VAV3: variants seen among roughly 807,000 people sequenced by gnomAD.
VAV3 encodes vav guanine nucleotide exchange factor 3.
In VAV3, 94 loss-of-function variants were observed where a neutral mutation model predicts 131.2. The ratio of observed to expected loss-of-function variants is 0.72; its 90% CI spans 0.61 to 0.85. The LOEUF is 0.85. VAV3 is among the 40% of genes least tolerant of loss of function. The pLI is 0.00. For missense variants in VAV3, 939 were observed against 1,002.7 expected (o/e 0.94, Z 0.86); for synonymous variants, 349 against 342.0 (o/e 1.02, Z -0.22).
chr1:107,887,223 G>A (rs1419025510), intron 1 of VAV3, among the ~76,000 whole-genome samples: 3 of 152,204 alleles, frequency 2.0e-5, no homozygotes, highest in East Asian at 3.9e-4. Context: ...GCTCTTACCC[G>A]CATGGCAGAC....
intron 2 of VAV3, among the ~76,000 whole-genome samples, chr1:107,812,751 G>C (rs1011447405): frequency 2.0e-5 from 3 of 152,160 alleles, no homozygotes; most frequent in Non-Finnish European, 2.9e-5. Context: ...ATAAAAATAA[G>C]TCTATGTCAT....
chr1:107,572,795 G>A lies in VAV3; in HGVS notation c.*536C>T, dbSNP rs3187207. 7.1e-3 allele frequency: 1,082 copies of A among 152,926 alleles called. 10 individuals are homozygous for A. The highest frequency in any genetic ancestry group is 7.8e-3 in the Non-Finnish European group (533 of 68,262). The allele number at this position is 152,926 out of a possible 1,614,324, so 9.5% of individuals were successfully genotyped here. On this transcript the variant is annotated 3_prime_UTR_variant, in exon 27 of 27. Coordinates refer to ENST00000370056, the MANE Select transcript of VAV3 (RefSeq NM_006113.5). ...ACATCTGAGGGTAAAAGTGTTTGCC[G>A]GGCAATGAGTCACCTTGTTGGACAA... is the stretch of plus-strand genomic sequence containing the variant.
chr1:107,695,844 T>C (rs529991521), intron 17 of VAV3, among the ~76,000 whole-genome samples: 6 of 152,274 alleles, frequency 3.9e-5, no homozygotes, highest in African/African-American at 1.4e-4. Flanking sequence ...CTAAATGTGA[T>C]GTGCCATGGA....
intron 2 of VAV3, among the ~76,000 whole-genome samples, chr1:107,780,572 G>A (rs2102230073): frequency 6.6e-6 from 1 of 152,266 alleles, no homozygotes; most frequent in South Asian, 2.1e-4. Flanking sequence ...CTGGAGTACA[G>A]TGGTGCGATC....
chr1:107,665,964 G>A (rs1222275741), intron 19 of VAV3, among the ~76,000 whole-genome samples: 1 of 152,138 alleles, frequency 6.6e-6, no homozygotes, highest in East Asian at 1.9e-4. Flanking sequence ...TGAGGAAAAA[G>A]GAAACTATTC....
chr1:107,737,797 C>T (rs533670448), intron 15 of VAV3, among the ~76,000 whole-genome samples: 5 of 152,254 alleles, frequency 3.3e-5, no homozygotes, highest in East Asian at 1.9e-4. Flanking sequence ...GACAGTGTGG[C>T]GATTCCTCAA....
chr1:107,668,732 A>C, intron 19 of VAV3: 1 of 984,652 alleles, frequency 1.0e-6, no homozygotes, highest in Non-Finnish European at 1.2e-6. Flanking sequence ...AATTCTAAAG[A>C]AATTTACCAT....
At chr1:107,749,786 C>T (rs994534458) in intron 13 of VAV3, among the ~76,000 whole-genome samples, 192 bp from the exon 14 acceptor site, 1 of 152,086 alleles carries the variant, frequency 6.6e-6, no homozygotes, top group African/African-American at 2.4e-5. Context: ...TTGTAAATGG[C>T]CTCAGTGTGC....
intron 2 of VAV3, among the ~76,000 whole-genome samples, chr1:107,840,113 C>G (rs1668632494): frequency 6.6e-6 from 1 of 152,118 alleles, no homozygotes; most frequent in Non-Finnish European, 1.5e-5. Flanking sequence ...CAATTTCTTC[C>G]AGAAAATAGA....
Position 107,688,404 on chromosome 1 carries a change from GT to G in VAV3, c.1707del (p.Glu569AspfsTer60). On this transcript the variant is annotated frameshift_variant and splice_region_variant, in exon 18 of 27. Coordinates refer to ENST00000370056, the MANE Select transcript of VAV3 (RefSeq NM_006113.5). LOFTEE classifies it high-confidence loss of function. ...VDNCGRVNSG[E>X]QGTLKLPEKR... ...ACCTCTGGTAGTTTGAGTGTCCCTT[GT>G]TCTGAAAGAAATGTAAAAATTGGCA... 1.2e-6 allele frequency: 2 copies of G among 1,613,314 alleles called. No individual in the cohort carries two copies. The highest frequency in any genetic ancestry group is 1.7e-6 in the Non-Finnish European group (2 of 1,179,648).
At chr1:107,675,983 G>A (rs1427704100) in intron 19 of VAV3, among the ~76,000 whole-genome samples, 1 of 152,164 alleles carries the variant, frequency 6.6e-6, no homozygotes, top group Non-Finnish European at 1.5e-5. Flanking sequence ...GGATACCAGA[G>A]AACTATCAAA....
intron 19 of VAV3, among the ~76,000 whole-genome samples, chr1:107,664,642 A>T (rs977763687): frequency 1.3e-5 from 2 of 152,226 alleles, no homozygotes; most frequent in African/African-American, 4.8e-5. Context: ...ATATGAAAAG[A>T]TGAAGCTCCA....
rs1485835877 is a variant in VAV3 at position 107,952,480 on chromosome 1, A to ATATATATG, written c.204+12185_204+12186insCATATATA. Among the ~76,000 whole-genome samples the ATATATATG allele has an allele frequency of 3.5e-5, 5 of 140,980 alleles. 1 individual carries two copies. Among genetic ancestry groups the ATATATATG allele is most frequent in the African/African-American group, 1.1e-4 (4 of 36,814 alleles). The allele number at this position is 140,980 out of a possible 152,430, so 92.5% of individuals were successfully genotyped here. On this transcript the variant is annotated intron_variant, in intron 1 of 26. Transcript: ENST00000370056. ...TTATAACAAAACTTTATATATATAT[A>ATATATATG]TATATACACACATAAATTCAACCTA...
intron 9 of VAV3, among the ~76,000 whole-genome samples, chr1:107,764,253 T>C: frequency 6.6e-6 from 1 of 152,168 alleles, no homozygotes; most frequent in South Asian, 2.1e-4. Context: ...ATACCAATTG[T>C]TCAGGAATGC....
intron 2 of VAV3, among the ~76,000 whole-genome samples, chr1:107,825,839 G>A (rs761033825): frequency 6.6e-6 from 1 of 152,106 alleles, no homozygotes; most frequent in Non-Finnish European, 1.5e-5. Flanking sequence ...GACAAATCAG[G>A]TTATTATGTC....
Position 107,617,565 on chromosome 1 carries a change from A to T in VAV3, c.1980+2T>A. On this transcript the variant is annotated splice_donor_variant, in intron 21 of 26. Coordinates refer to ENST00000370056, the MANE Select transcript of VAV3 (RefSeq NM_006113.5). LOFTEE classifies it high-confidence loss of function. ...AGAGAAAATTAAGATACTAATACTT[A>T]CACATGGGCAAGGCTTGACTGCATC... 6.2e-7 allele frequency: 1 copy of T among 1,610,430 alleles called. No individual in the cohort carries two copies. Among genetic ancestry groups the T allele is most frequent in the Non-Finnish European group, 8.5e-7 (1 of 1,178,168 alleles).
In VAV3 at chr1:107,749,008, C is replaced by T; in HGVS notation, c.1462G>A (p.Asp488Asn). 1 of 1,612,138 alleles carries T rather than the reference C, an allele frequency of 6.2e-7. No homozygotes were observed. The highest frequency in any genetic ancestry group is 8.5e-7 in the Non-Finnish European group (1 of 1,179,130). ...TGTTCTAGCCATTTCTTCTTTAAAT[C>T]TTTTGTTTTGCAATAAAATTCTAAC... is the stretch of plus-strand genomic sequence containing the variant. ...NGLEFYCKTK[D>N]LKKKWLEQFE... Residue 488 changes from aspartate to asparagine, a missense_variant, in exon 15 of 27, where the codon GAT becomes AAT. Coordinates refer to ENST00000370056, the MANE Select transcript of VAV3 (RefSeq NM_006113.5).
At chr1:107,872,703 T>C (rs1273245026) in intron 2 of VAV3, among the ~76,000 whole-genome samples, 1 of 152,160 alleles carries the variant, frequency 6.6e-6, no homozygotes, top group Non-Finnish European at 1.5e-5. Context: ...TTATGTGCTA[T>C]GTGAATGTTT....
At chr1:107,600,754 C>A (rs1651787738) in intron 24 of VAV3, among the ~76,000 whole-genome samples, 2 of 152,172 alleles carry the variant, frequency 1.3e-5, no homozygotes, top group Non-Finnish European at 1.5e-5. Context: ...CTTTTCACAT[C>A]TAACCTTGGC....
Sources: allele counts gnomAD v4.1 joint callset (sites outside exome capture counted in the v4.1 genomes callset), GRCh38; gene constraint gnomAD v4.1.1; transcripts MANE v1.5; gene names NCBI Gene and HGNC (gene_info 2026-07-23, HGNC 2026-07-21).